DRC9: variants seen among roughly 807,000 people sequenced by gnomAD.
DRC9 encodes dynein regulatory complex protein 9.
chr3:197,912,634 C>CA, the DRC9 span: 565 of 1,378,620 alleles, frequency 4.1e-4, no homozygotes, highest in Non-Finnish European at 5.1e-4. Flanking sequence ...AAGCAGAGTA[C>CA]AAAAAAAAAG....
At chr3:197,897,223 C>T in the DRC9 span, among the ~76,000 whole-genome samples, 535 of 151,426 alleles carry the variant, frequency 3.5e-3, 5 homozygotes, top group African/African-American at 0.012. Context: ...TCTAGGAAGA[C>T]GTAAGTTACA....
chr3:197,907,739 G>A, the DRC9 span, among the ~76,000 whole-genome samples: 1 of 151,960 alleles, frequency 6.6e-6, no homozygotes, highest in South Asian at 2.1e-4. Context: ...CCTCCCAGAT[G>A]AAGTTATCAC....
chr3:197,939,489 G>A, the DRC9 span, among the ~76,000 whole-genome samples: 1 of 152,192 alleles, frequency 6.6e-6, no homozygotes, highest in Non-Finnish European at 1.5e-5. Flanking sequence ...CCGCAGGAAC[G>A]GCCTATGCCT....
At chr3:197,928,375 G>A in the DRC9 span, among the ~76,000 whole-genome samples, 1 of 142,074 alleles carries the variant, frequency 7.0e-6, no homozygotes, top group African/African-American at 2.7e-5. Flanking sequence ...TTGAGGCAGA[G>A]TCTTGTTGTG....
chr3:197,908,288 CA>C, the DRC9 span, among the ~76,000 whole-genome samples: 2 of 133,952 alleles, frequency 1.5e-5, no homozygotes, highest in African/African-American at 6.0e-5. Context: ...GAAGTTATCA[CA>C]GGGGTGACTG....
chr3:197,924,243 C>T, the DRC9 span, among the ~76,000 whole-genome samples: 1 of 151,366 alleles, frequency 6.6e-6, no homozygotes, highest in Non-Finnish European at 1.5e-5. Flanking sequence ...CCTGTAGTCC[C>T]AGCTACTCGG....
the DRC9 span, chr3:197,891,461 T>C: frequency 6.3e-7 from 1 of 1,585,706 alleles, no homozygotes; most frequent in African/African-American, 1.3e-5. Flanking sequence ...TAACGCTCTT[T>C]AATTCCAAGA....
At chr3:197,957,170 G>C in the DRC9 span, 1 of 152,186 alleles carries the variant, frequency 6.6e-6, no homozygotes, top group Non-Finnish European at 1.5e-5. Flanking sequence ...AGTTTTTGTA[G>C]TAAGGGAAAA....
the DRC9 span, chr3:197,932,118 G>C: frequency 6.5e-7 from 1 of 1,548,198 alleles, no homozygotes; most frequent in Non-Finnish European, 8.8e-7. Context: ...TTTCCAGTAA[G>C]AGTGTTTTAG....
At chr3:197,945,599 AC>A in the DRC9 span, 2 of 1,540,194 alleles carry the variant, frequency 1.3e-6, no homozygotes, top group Admixed American at 1.8e-5. Context: ...TATACAAAAA[AC>A]ATTGGAATTT....
the DRC9 span, among the ~76,000 whole-genome samples, chr3:197,896,799 CTTGGGAAT>C: frequency 6.6e-6 from 1 of 152,120 alleles, no homozygotes; most frequent in African/African-American, 2.4e-5. Flanking sequence ...CCTCTATCAC[CTTGGGAAT>C]TTGGATTTCA....
At chr3:197,950,297 C>T in the DRC9 span, 4 of 1,230,054 alleles carry the variant, frequency 3.3e-6, no homozygotes, top group Non-Finnish European at 4.1e-6. Context: ...TGGCGAGTCG[C>T]CGGTGCGTAT....
the DRC9 span, chr3:197,956,064 A>G: frequency 4.4e-5 from 18 of 404,968 alleles, no homozygotes; most frequent in African/African-American, 1.2e-4. Flanking sequence ...GGCTCAAGCA[A>G]TCCTCCCTTG....
chr3:197,889,501 A>G, the DRC9 span: 27 of 1,498,126 alleles, frequency 1.8e-5, no homozygotes, highest in Non-Finnish European at 2.3e-5. Context: ...GTCATCTTTG[A>G]GGTACCAGGT....
chr3:197,954,338 T>G, the DRC9 span: 1 of 655,352 alleles, frequency 1.5e-6, no homozygotes. Context: ...TGTTTTTTGT[T>G]TTTTTTTTGG....
chr3:197,909,404 GA>G, the DRC9 span, among the ~76,000 whole-genome samples: 2 of 152,148 alleles, frequency 1.3e-5, no homozygotes, highest in Non-Finnish European at 2.9e-5. Context: ...TGAATCCACT[GA>G]AAAACCATTA....
At chr3:197,950,323 C>T in the DRC9 span, 1 of 1,228,168 alleles carries the variant, frequency 8.1e-7, no homozygotes, top group Non-Finnish European at 1.0e-6. Context: ...TCTCTGCCAG[C>T]CATTGATTTC....
the DRC9 span, among the ~76,000 whole-genome samples, chr3:197,952,148 C>T: frequency 6.9e-6 from 1 of 145,208 alleles, no homozygotes; most frequent in Non-Finnish European, 1.5e-5. Flanking sequence ...TTTGTTAATG[C>T]CTTAAAATTA....
chr3:197,935,584 A>G, the DRC9 span, among the ~76,000 whole-genome samples: 1 of 151,958 alleles, frequency 6.6e-6, no homozygotes, highest in Non-Finnish European at 1.5e-5. Flanking sequence ...CCCCGGCTTG[A>G]GTGGTCCTCC....
Sources: allele counts gnomAD v4.1 joint callset (sites outside exome capture counted in the v4.1 genomes callset), GRCh38; gene constraint gnomAD v4.1.1; transcripts MANE v1.5; gene names NCBI Gene and HGNC (gene_info 2026-07-23, HGNC 2026-07-21).